F12: variants seen among roughly 807,000 people sequenced by gnomAD.
F12 encodes Hageman factor.
Under a neutral mutation model 74.8 loss-of-function variants are expected in F12, and 70 were observed. The observed-to-expected ratio is 0.94, with a 90% CI of 0.77 to 1.14. F12 has a LOEUF of 1.14. Ranked by LOEUF, F12 falls within the 50% of genes most tolerant of loss-of-function variation. The pLI, the probability that F12 is intolerant of heterozygous loss-of-function variation, is 0.00. For missense variants in F12, 811 were observed against 835.7 expected (o/e 0.97, Z 0.36); for synonymous variants, 373 against 356.4 (o/e 1.05, Z -0.52).
chr5:177,405,214 G>A (rs769132100), intron 5 of F12, 29 bp from the exon 6 acceptor site: 1 of 1,613,050 alleles, frequency 6.2e-7, no homozygotes, highest in Non-Finnish European at 8.5e-7. Flanking sequence ...AGTGGTCTCA[G>A]GAGAGTCTAG....
At position 177,402,185 on chromosome 5, in the gene F12, C is replaced by G. The variant is rs183325893; in HGVS notation, c.*107G>C. On this transcript the variant is annotated 3_prime_UTR_variant, in exon 14 of 14. Coordinates refer to ENST00000253496, the MANE Select transcript of F12 (RefSeq NM_000505.4). ...TTATTGAGTTCCTGCGCCATCCTGGCGCGGAGCTGGCCGCACTGGGGGAAT... is the reference window on the plus strand; with the variant it reads ...TTATTGAGTTCCTGCGCCATCCTGGGGCGGAGCTGGCCGCACTGGGGGAAT... 2.9e-4 allele frequency: 404 copies of G among 1,414,820 alleles called. 2 individuals are homozygous for G. In the African/African-American group the frequency reaches 5.2e-3, roughly 18 times the overall value. 87.6% of individuals were successfully genotyped at this position (1,414,820 alleles called of 1,614,324 possible).
At chr5:177,403,088 C>T in intron 12 of F12, 166 bp downstream of exon 12, 1 of 845,082 alleles carries the variant, frequency 1.2e-6, no homozygotes, top group Non-Finnish European at 1.8e-6. Context: ...GAATCCCAGG[C>T]CCTGGGATTC....
chr5:177,407,110 T>C (rs1763312022), intron 2 of F12, among the ~76,000 whole-genome samples: 1 of 152,220 alleles, frequency 6.6e-6, no homozygotes, highest in Non-Finnish European at 1.5e-5. Context: ...GCCATCAGCT[T>C]AGCATTGATG....
Position 177,409,122 on chromosome 5 carries a change from G to A in F12, c.58-19C>T, listed in dbSNP as rs1194218052. On this transcript the variant is annotated intron_variant, in intron 1 of 13. Transcript: ENST00000253496. ...GTGGAATCTACAAGGGAGAGAAGAAGGCAGGGAACTGACTATAAGTCATAG... is the reference window on the plus strand; with the variant it reads ...GTGGAATCTACAAGGGAGAGAAGAAAGCAGGGAACTGACTATAAGTCATAG... 1.3e-6 allele frequency: 2 copies of A among 1,551,270 alleles called. No homozygotes were observed. The highest frequency in any genetic ancestry group is 1.4e-5 in the African/African-American group (1 of 73,152).
intron 2 of F12, 133 bp downstream of exon 2, chr5:177,408,913 G>A (rs2127362437): frequency 1.2e-6 from 1 of 866,414 alleles, no homozygotes; most frequent in East Asian, 2.7e-5. Flanking sequence ...CACAGCTCAC[G>A]ATCACTCTAG....
Position 177,403,482 on chromosome 5 carries a change from C to A in F12, c.1386G>T (p.Leu462=). 1 of 1,561,838 alleles carries A rather than the reference C, an allele frequency of 6.4e-7. No homozygotes were observed. Among genetic ancestry groups the A allele is most frequent in the Non-Finnish European group, 8.6e-7 (1 of 1,157,880 alleles). The change falls in exon 11 of 14, where the codon CTG becomes CTT. Residue 462 remains leucine, a splice_region_variant and synonymous_variant. Coordinates refer to ENST00000253496, the MANE Select transcript of F12 (RefSeq NM_000505.4). The part of the protein sequence containing the change: ...AFSPVSYQHD[L]ALLRLQEDAD... ...TCCCCGCGGGGCGCCCCCACGCACC[C>A]AGGTCGTGCTGGTAGCTGACGGGCG...
At position 177,402,232 on chromosome 5, in the gene F12, T is replaced by C. The variant is rs996297473; in HGVS notation, c.*60A>G. The C allele has an allele frequency of 2.5e-6, 4 of 1,600,010 alleles. No individual in the cohort carries two copies. In the African/African-American group the frequency reaches 5.4e-5, roughly 21 times the overall value. ...GAATGGGACACAATCTTGCCTTCCATGCCCCAGCCACTCTCTCACTGCGGA... is the reference window on the plus strand; with the variant it reads ...GAATGGGACACAATCTTGCCTTCCACGCCCCAGCCACTCTCTCACTGCGGA... On this transcript the variant is annotated 3_prime_UTR_variant, in exon 14 of 14. Coordinates refer to ENST00000253496, the MANE Select transcript of F12 (RefSeq NM_000505.4).
chr5:177,404,740 C>T, intron 7 of F12, 70 bp downstream of exon 7: 2 of 1,595,602 alleles, frequency 1.3e-6, no homozygotes, highest in South Asian at 1.1e-5. Flanking sequence ...TCCGCACTCT[C>T]CCTCCTCCTT....
At position 177,403,521 on chromosome 5, in the gene F12, C is replaced by G. The variant is rs530003807; in HGVS notation, c.1347G>C (p.Leu449Phe). 1 of 1,584,452 alleles carries G rather than the reference C, an allele frequency of 6.3e-7. No individual in the cohort carries two copies. Among genetic ancestry groups the G allele is most frequent in the Admixed American group, 1.8e-5 (1 of 56,128 alleles). ...AGCTGACGGGCGAGAAGGCCTCGTG[C>G]AAGCGGTAGGAGCGCACGGCCAACG... ...CQTLAVRSYR[L>F]HEAFSPVSYQ... is the part of the protein sequence containing the mutation. Residue 449 changes from leucine (L) to phenylalanine (F), a missense_variant, in exon 11 of 14, where the codon TTG becomes TTC. Coordinates refer to ENST00000253496, the MANE Select transcript of F12 (RefSeq NM_000505.4).
At chr5:177,403,697 C>G in intron 10 of F12, 80 bp from the exon 11 acceptor site, 1 of 1,554,008 alleles carries the variant, frequency 6.4e-7, no homozygotes, top group Admixed American at 1.8e-5. Context: ...TCCCGAACCC[C>G]AATCCCGTGT....
chr5:177,407,742 G>A (rs1006380773), intron 2 of F12, among the ~76,000 whole-genome samples: 3 of 151,052 alleles, frequency 2.0e-5, no homozygotes, highest in Non-Finnish European at 4.4e-5. Context: ...CCAAGATCGC[G>A]CCATTGCACT....
rs1204188470 is a variant in F12 at position 177,404,279 on chromosome 5, T to C, written c.935A>G (p.His312Arg). The part of the protein sequence containing the change: ...APPTPVSPRL[H>R]VPLMPAQPAP... ...CGGCTGCGCGGGCATGAGTGGGACA[T>C]GAAGCCTAGGGGACACCGGGGTCGG... Residue 312 changes from histidine (H) to arginine (R), a missense_variant, in exon 9 of 14, where the codon CAT becomes CGT. By Grantham distance (29) the His-to-Arg change is conservative. Coordinates refer to ENST00000253496, the MANE Select transcript of F12 (RefSeq NM_000505.4). 3 of 1,597,928 alleles carry C rather than the reference T, an allele frequency of 1.9e-6. No homozygotes were observed. The highest frequency in any genetic ancestry group is 1.3e-5 in the African/African-American group (1 of 74,496).
chr5:177,408,387 A>C (rs1469753257), intron 2 of F12, among the ~76,000 whole-genome samples: 1 of 152,194 alleles, frequency 6.6e-6, no homozygotes, highest in Non-Finnish European at 1.5e-5. Flanking sequence ...GAATGAAAGC[A>C]ATGGGGAGCT....
At chr5:177,406,451 T>G (rs17876019) in intron 2 of F12, among the ~76,000 whole-genome samples, 2,464 of 151,772 alleles carry the variant, frequency 0.016, 75 homozygotes, top group African/African-American at 0.055. Flanking sequence ...ATCGCGCCAC[T>G]GCACTCCAGC....
intron 2 of F12, among the ~76,000 whole-genome samples, chr5:177,406,669 G>A (rs945747306): frequency 6.6e-6 from 1 of 152,212 alleles, no homozygotes; most frequent in Non-Finnish European, 1.5e-5. Context: ...TAACCACTCT[G>A]ATCTGAGCCT....
Position 177,403,868 on chromosome 5 carries a change from A to G in F12, c.1241T>C (p.Leu414Pro). ...PCWVLTAAHC[L>P]QDRPAPEDLT... ...GCGGGCGGGTACTCGCCGGTCCTGC[A>G]GGCAGTGAGCGGCCGTCAGCACCCA... Residue 414 changes from leucine to proline, a missense_variant, in exon 10 of 14, where the codon CTG becomes CCG. Physicochemically the swap from Leu to Pro is moderately conservative, Grantham distance 98. Coordinates refer to ENST00000253496, the MANE Select transcript of F12 (RefSeq NM_000505.4). 6.5e-7 allele frequency: 1 copy of G among 1,549,280 alleles called. No individual in the cohort carries two copies. The highest frequency in any genetic ancestry group is 1.4e-5 in the African/African-American group (1 of 73,832).
Position 177,405,328 on chromosome 5 carries a change from T to C in F12, c.392A>G (p.Gln131Arg). Residue 131 changes from glutamine to arginine, a missense_variant, in exon 5 of 14, where the codon CAG (glutamine) becomes CGG (arginine). By Grantham distance (43) the Gln-to-Arg change is conservative. Transcript: ENST00000253496. ...GGTCCTCCACATCTCCTCACCTTTCTGGCAGTGGTTTCCAGTGAGGTGTTG... is the reference window on the plus strand; with the variant it reads ...GGTCCTCCACATCTCCTCACCTTTCCGGCAGTGGTTTCCAGTGAGGTGTTG... Reference protein sequence around the residue: ...CPQHLTGNHCQKEKCFEPQLL... With the variant: ...CPQHLTGNHCRKEKCFEPQLL... 3 of 1,614,148 alleles carry C rather than the reference T, an allele frequency of 1.9e-6. No homozygotes were observed. The highest frequency in any genetic ancestry group is 1.6e-4 in the Middle Eastern group (1 of 6,062).
chr5:177,406,635 CTTG>C (rs1447677127), intron 2 of F12, among the ~76,000 whole-genome samples: 3 of 152,192 alleles, frequency 2.0e-5, no homozygotes, highest in Non-Finnish European at 4.4e-5. Flanking sequence ...CTTAATAATA[CTTG>C]TTGAATGTTG....
At position 177,404,029 on chromosome 5, in the gene F12, C is replaced by A; in HGVS notation, c.1080G>T (p.Gly360=). 1.9e-6 allele frequency: 3 copies of A among 1,602,276 alleles called. No homozygotes were observed. The highest frequency in any genetic ancestry group is 2.5e-6 in the Non-Finnish European group (3 of 1,179,650). The part of the protein sequence containing the change: ...SLTRNGPLSC[G]QRLRKSLSSM... ...AAGACAGACTCTTGCGGAGCCGCTG[C>A]CCGCAGCTCAGTGGGCCGTTCCTGG... Residue 360 remains glycine (G), a synonymous_variant, in exon 10 of 14, where the codon GGG becomes GGT. Coordinates refer to ENST00000253496, the MANE Select transcript of F12 (RefSeq NM_000505.4).
Sources: allele counts gnomAD v4.1 joint callset (sites outside exome capture counted in the v4.1 genomes callset), GRCh38; gene constraint gnomAD v4.1.1; transcripts MANE v1.5; gene names NCBI Gene and HGNC (gene_info 2026-07-23, HGNC 2026-07-21).